The following CTNNA2 variants were observed in gnomAD, a reference collection of about 807,000 sequenced individuals.
The protein encoded by CTNNA2 is catenin alpha-2.
In CTNNA2, 42 loss-of-function variants were observed where a neutral mutation model predicts 101.0. The ratio of observed to expected loss-of-function variants is 0.42; its 90% CI spans 0.32 to 0.54. The LOEUF is 0.54. Ranked by LOEUF, CTNNA2 falls within the 20% of genes least tolerant of loss-of-function variation. CTNNA2 has a pLI of 0.14. For missense variants in CTNNA2, 871 were observed against 1,223.1 expected, an observed-to-expected ratio of 0.71 and a Z score of 4.29; for synonymous variants, 450 against 456.4, an observed-to-expected ratio of 0.99 and a Z score of 0.18.
At chr2:79,615,468 G>C (rs6547248) in intron 1 of CTNNA2, among the ~76,000 whole-genome samples, 14,037 of 152,110 alleles carry the variant, frequency 0.092, 857 homozygotes, top group African/African-American at 0.17. Context: ...ATTTACAGTG[G>C]AATATTTGAG....
At chr2:80,083,703 A>G (rs376520551) in intron 7 of CTNNA2, among the ~76,000 whole-genome samples, 3 of 152,304 alleles carry the variant, frequency 2.0e-5, no homozygotes, top group East Asian at 3.9e-4. Context: ...GTATAATTCC[A>G]TGTGGTATTA....
chr2:79,767,778 T>C (rs568556827), intron 3 of CTNNA2, among the ~76,000 whole-genome samples: 1 of 151,956 alleles, frequency 6.6e-6, no homozygotes, highest in East Asian at 2.0e-4. Flanking sequence ...ATTGGTGCCC[T>C]ATCCTGCTGT....
At chr2:79,623,486 G>A (rs1679117786) in intron 1 of CTNNA2, among the ~76,000 whole-genome samples, 1 of 152,154 alleles carries the variant, frequency 6.6e-6, no homozygotes, top group African/African-American at 2.4e-5. Context: ...TCCCTTCTAA[G>A]TAAATGGTAA....
chr2:80,443,011 C>T (rs1169339145), intron 9 of CTNNA2, among the ~76,000 whole-genome samples: 2 of 152,120 alleles, frequency 1.3e-5, no homozygotes, highest in African/African-American at 2.4e-5. Flanking sequence ...CATGCTTTTT[C>T]CTTCACCTTT....
At chr2:79,929,948 G>T (rs916111859) in intron 7 of CTNNA2, among the ~76,000 whole-genome samples, 1 of 151,956 alleles carries the variant, frequency 6.6e-6, no homozygotes, top group Non-Finnish European at 1.5e-5. Context: ...AAGTAATCTG[G>T]GTTCCTGGCC....
chr2:80,570,331 G>C (rs977140209), intron 12 of CTNNA2, among the ~76,000 whole-genome samples: 1 of 152,212 alleles, frequency 6.6e-6, no homozygotes, highest in Non-Finnish European at 1.5e-5. Context: ...TTACACGTGT[G>C]AGCCACCGTG....
chr2:79,250,680 G>A (rs61486611), intron 2 of CTNNA2, among the ~76,000 whole-genome samples: 5,390 of 152,222 alleles, frequency 0.035, 265 homozygotes, highest in African/African-American at 0.11. Context: ...TGCTAGGCCT[G>A]TGGACTCACA....
chr2:80,230,207 G>A (rs1319253104), intron 7 of CTNNA2, among the ~76,000 whole-genome samples: 3 of 150,256 alleles, frequency 2.0e-5, no homozygotes, highest in African/African-American at 7.3e-5. Flanking sequence ...CCATTGTTAA[G>A]CAATGCATGC....
At chr2:79,351,670 T>G (rs6752864) in intron 3 of CTNNA2, among the ~76,000 whole-genome samples, 116,704 of 151,842 alleles carry the variant, frequency 0.77, 45,147 homozygotes, top group East Asian at 0.96. Flanking sequence ...GCTCCTATTC[T>G]TGAGAACAGG....
At chr2:79,188,872 C>G (rs1673816374) in intron 1 of CTNNA2, among the ~76,000 whole-genome samples, 1 of 152,150 alleles carries the variant, frequency 6.6e-6, no homozygotes, top group South Asian at 2.1e-4. Flanking sequence ...ACCCTCCACT[C>G]CATTGAAAGC....
chr2:80,430,058 C>T (rs889002254), intron 9 of CTNNA2, among the ~76,000 whole-genome samples: 2 of 152,092 alleles, frequency 1.3e-5, no homozygotes, highest in African/African-American at 4.8e-5. Flanking sequence ...TCCATGAAAA[C>T]CTTCCAATGG....
intron 7 of CTNNA2, among the ~76,000 whole-genome samples, chr2:79,920,917 A>G (rs1193316336): frequency 6.6e-6 from 1 of 152,116 alleles, no homozygotes; most frequent in Non-Finnish European, 1.5e-5. Context: ...CTGTTTCGGC[A>G]TGAGCTCTTA....
chr2:79,196,606 C>G (rs772946440), intron 1 of CTNNA2, among the ~76,000 whole-genome samples: 4 of 152,106 alleles, frequency 2.6e-5, no homozygotes, highest in African/African-American at 7.2e-5. Context: ...CCCAGGGGTA[C>G]CTTATACTTA....
intron 17 of CTNNA2, among the ~76,000 whole-genome samples, chr2:80,609,532 C>G (rs1459023318): frequency 6.6e-6 from 1 of 151,696 alleles, no homozygotes; most frequent in African/African-American, 2.4e-5. Flanking sequence ...CAACCAAGAG[C>G]AATCTGTCTT....
At chr2:79,604,605 G>T (rs1677766580) in intron 1 of CTNNA2, among the ~76,000 whole-genome samples, 1 of 152,306 alleles carries the variant, frequency 6.6e-6, no homozygotes, top group East Asian at 1.9e-4. Flanking sequence ...AATCAGCTGA[G>T]TACTGATCAG....
chr2:80,238,917 G>T (rs1709690790), intron 7 of CTNNA2, among the ~76,000 whole-genome samples: 1 of 152,126 alleles, frequency 6.6e-6, no homozygotes, highest in Non-Finnish European at 1.5e-5. Flanking sequence ...CTGATCTGTC[G>T]GCTGGGAGGC....
chr2:80,001,287 G>A (rs1430413237), intron 7 of CTNNA2, among the ~76,000 whole-genome samples: 1 of 152,026 alleles, frequency 6.6e-6, no homozygotes, highest in Non-Finnish European at 1.5e-5. Context: ...TTTCTCTAGG[G>A]TTATGGCCAA....
intron 7 of CTNNA2, among the ~76,000 whole-genome samples, chr2:80,380,258 G>T (rs1180820558): frequency 6.6e-6 from 1 of 151,940 alleles, no homozygotes; most frequent in South Asian, 2.1e-4. Flanking sequence ...GGATAATCTC[G>T]ATCTCCTGAC....
chr2:79,728,500 G>A (rs1301754242), intron 2 of CTNNA2, among the ~76,000 whole-genome samples: 11 of 152,098 alleles, frequency 7.2e-5, no homozygotes, highest in South Asian at 2.1e-4. Flanking sequence ...AGTAGATTGC[G>A]AAAATTGTCT....
Sources: gnomAD v4.1 joint callset for allele counts (sites outside exome capture counted in the v4.1 genomes callset) on GRCh38, gnomAD v4.1.1 for gene constraint, MANE v1.5 for transcripts, NCBI Gene and HGNC (gene_info 2026-07-23, HGNC 2026-07-21) for gene names.